The following CELSR1 variants were observed in gnomAD, a reference collection of about 807,000 sequenced individuals.
CELSR1 encodes adhesion G protein-coupled receptor C1.
CELSR1 carries 110 observed loss-of-function variants against 249.1 expected under a neutral mutation model. That is an observed-to-expected ratio of 0.44 (90% CI 0.38 to 0.52). The LOEUF is 0.52. CELSR1 is among the 20% of genes least tolerant of loss of function. CELSR1 has a pLI of 0.00. For synonymous variants in CELSR1, 2,113 were observed against 1,900.0 expected, an observed-to-expected ratio of 1.11 and a Z score of -2.92; for missense variants, 4,109 against 4,296.4, an observed-to-expected ratio of 0.96 and a Z score of 1.22.
chr22:46,412,363 G>A lies in CELSR1; in HGVS notation c.4612-604C>T, dbSNP rs1031226648. Among the ~76,000 whole-genome samples the A allele has an allele frequency of 6.6e-6, 1 of 152,156 alleles. No homozygotes were observed. Among genetic ancestry groups the A allele is most frequent in the African/African-American group, 2.4e-5 (1 of 41,430 alleles). On this transcript the variant is annotated intron_variant, in intron 5 of 34. Transcript: ENST00000674500. This position sits in a 1 kb window ranked among gnomAD's most constrained non-coding sequence, Gnocchi z 4.5. ...TTGCAGCCAACACCCAAGTCCTGGG[G>A]CCCCTCCTGTGAACACCCGCTTCTG...
In CELSR1 at chr22:46,518,782, C is replaced by G. The variant is rs1472117858; in HGVS notation, c.3544+14845G>C. On this transcript the variant is annotated intron_variant, in intron 1 of 34. Coordinates refer to ENST00000674500, the MANE Select transcript of CELSR1 (RefSeq NM_001378328.1). This position sits in a 1 kb window ranked among gnomAD's most constrained non-coding sequence, Gnocchi z 5.2. ...TGGGCGCGGTGGCTCGCCTGTAATC[C>G]AGCACTTTGGGAGGCCAAGGCGGGT... is the stretch of plus-strand genomic sequence containing the variant. Among the ~76,000 whole-genome samples, 1 of 152,036 alleles carries G rather than the reference C, an allele frequency of 6.6e-6. No individual in the cohort carries two copies. The highest frequency in any genetic ancestry group is 6.6e-5 in the Admixed American group (1 of 15,266).
intron 2 of CELSR1, among the ~76,000 whole-genome samples, chr22:46,444,967 A>G (rs988480561): frequency 5.3e-4 from 81 of 152,292 alleles, no homozygotes; most frequent in African/African-American, 1.9e-3. Flanking sequence ...GCACTTTGGG[A>G]GGCTGAGGTG....
Position 46,488,042 on chromosome 22 carries a change from G to C in CELSR1, c.3545-23697C>G, listed in dbSNP as rs1339279493. The stretch of plus-strand genomic sequence containing the variant: ...TGTGGGGAGGGATGTCCAGGGTGCT[G>C]ACAGGATCAGCTGACAGGGGCGTGA... On this transcript the variant is annotated intron_variant, in intron 1 of 34. Coordinates refer to ENST00000674500, the MANE Select transcript of CELSR1 (RefSeq NM_001378328.1). The surrounding 1 kb of genome is among the most constrained non-coding windows in gnomAD (Gnocchi z 4.7). Among the ~76,000 whole-genome samples, 3 of 150,816 alleles carry C rather than the reference G, an allele frequency of 2.0e-5. No individual in the cohort carries two copies. The highest frequency in any genetic ancestry group is 3.0e-5 in the Non-Finnish European group (2 of 67,660).
intron 19 of CELSR1, among the ~76,000 whole-genome samples, chr22:46,385,975 C>CTTTTTTTTTTTTTTTTTTT (rs562430150): frequency 7.3e-6 from 1 of 137,680 alleles, no homozygotes; most frequent in Non-Finnish European, 1.5e-5. Context: ...CCGCGCCCGG[C>CTTTTTTTTTTTTTTTTTTT]TTTTTTTTTT....
chr22:46,387,998 G>A (rs1043999471), intron 18 of CELSR1, among the ~76,000 whole-genome samples: 13 of 152,164 alleles, frequency 8.5e-5, no homozygotes, highest in African/African-American at 2.9e-4. Flanking sequence ...CAGGGTCTGT[G>A]TGAAAGACTG....
intron 1 of CELSR1, chr22:46,530,268 C>A: frequency 6.6e-6 from 1 of 152,084 alleles, no homozygotes; most frequent in South Asian, 1.9e-4. Flanking sequence ...GACCCTGTCT[C>A]ATACACACAC....
At chr22:46,435,974 C>G (rs1403038427) in intron 4 of CELSR1, among the ~76,000 whole-genome samples, 200 bp downstream of exon 4, 8 of 152,230 alleles carry the variant, frequency 5.3e-5, no homozygotes, top group Non-Finnish European at 8.8e-5. Flanking sequence ...GCTGGGATTA[C>G]AGGCGTGAGC....
intron 1 of CELSR1, among the ~76,000 whole-genome samples, chr22:46,509,824 A>G (rs1007149801): frequency 1.3e-5 from 2 of 152,150 alleles, no homozygotes; most frequent in Admixed American, 6.5e-5. Flanking sequence ...GGCAGTACCC[A>G]TGCACAATGC....
chr22:46,438,204 G>A (rs2079688971), intron 3 of CELSR1, among the ~76,000 whole-genome samples: 5 of 152,232 alleles, frequency 3.3e-5, no homozygotes, highest in Admixed American at 3.3e-4. Flanking sequence ...GGGGGCCGGG[G>A]AAGGAGAAGG....
chr22:46,431,694 C>T (rs2079597522), intron 5 of CELSR1, among the ~76,000 whole-genome samples: 1 of 152,246 alleles, frequency 6.6e-6, no homozygotes, highest in East Asian at 1.9e-4. Flanking sequence ...GCCACCCGTG[C>T]AGCTCACCCA....
chr22:46,382,171 G>C, intron 20 of CELSR1, 121 bp from the exon 21 acceptor site: 2 of 955,720 alleles, frequency 2.1e-6, no homozygotes, highest in Non-Finnish European at 3.0e-6. Flanking sequence ...CAGTACCGTG[G>C]GTCCCCAAAA....
chr22:46,409,153 T>C lies in CELSR1; in HGVS notation c.5069A>G (p.His1690Arg). 1.2e-6 allele frequency: 2 copies of C among 1,612,468 alleles called. No individual in the cohort carries two copies. The highest frequency in any genetic ancestry group is 8.5e-7 in the Non-Finnish European group (1 of 1,179,418). ...GCTCTCACCGCTGAAGAGCTGGGGG[T>C]GAGGCATGGCTGCGGACACAGGCCC... ...GGKNCEQAMP[H>R]PQLFSGESVV... Residue 1690 changes from histidine (H) to arginine (R), a missense_variant, in exon 9 of 35, where the codon CAC (histidine) becomes CGC (arginine). His to Arg is a conservative substitution (Grantham distance 29). Coordinates refer to ENST00000674500, the MANE Select transcript of CELSR1 (RefSeq NM_001378328.1). This position sits in a 1 kb window ranked among gnomAD's most constrained non-coding sequence, Gnocchi z 9.8.
chr22:46,449,064 T>G (rs929501900), intron 2 of CELSR1, among the ~76,000 whole-genome samples: 1 of 96,142 alleles, frequency 1.0e-5, no homozygotes, highest in African/African-American at 4.1e-5. Flanking sequence ...CCCTCCACCC[T>G]TCCATCCATC....
In CELSR1 at chr22:46,363,620, C is replaced by G. The variant is rs1039691051; in HGVS notation, c.9036-373G>C. The G allele has an allele frequency of 8.3e-6, 3 of 359,896 alleles. No homozygotes were observed. Among genetic ancestry groups the G allele is most frequent in the African/African-American group, 2.1e-5 (1 of 48,314 alleles). 22.3% of individuals were successfully genotyped at this position (359,896 alleles called of 1,614,324 possible). On this transcript the variant is annotated intron_variant, in intron 34 of 34. Transcript: ENST00000674500. This position sits in a 1 kb window ranked among gnomAD's most constrained non-coding sequence, Gnocchi z 4.3. ...GGGCCAGGACCCCAGCTCCACCCCG[C>G]CCCCTTCACCCCTGGCATTCCGGGA...
At chr22:46,418,781 C>G (rs1024014123) in intron 5 of CELSR1, among the ~76,000 whole-genome samples, 4 of 152,214 alleles carry the variant, frequency 2.6e-5, no homozygotes, top group African/African-American at 7.2e-5. Context: ...AACCGGTCAC[C>G]TAGAGATTCT....
intron 1 of CELSR1, among the ~76,000 whole-genome samples, chr22:46,507,448 G>A (rs552143180): frequency 4.1e-4 from 62 of 152,048 alleles, no homozygotes; most frequent in African/African-American, 1.4e-3. Context: ...CAGCTGCAGC[G>A]TACTCCAGCT....
chr22:46,432,049 T>C (rs2147426258), intron 5 of CELSR1, among the ~76,000 whole-genome samples: 1 of 152,164 alleles, frequency 6.6e-6, no homozygotes, highest in East Asian at 1.9e-4. Context: ...CCATCTGCCC[T>C]CCTCCCAAAT....
At chr22:46,426,347 T>C (rs1360019570) in intron 5 of CELSR1, among the ~76,000 whole-genome samples, 1 of 152,198 alleles carries the variant, frequency 6.6e-6, no homozygotes, top group East Asian at 1.9e-4. Flanking sequence ...CTGAGCGCCT[T>C]GTAAACAACA....
chr22:46,477,074 G>C (rs550486289), intron 1 of CELSR1, among the ~76,000 whole-genome samples: 40 of 152,160 alleles, frequency 2.6e-4, no homozygotes, highest in African/African-American at 9.7e-4. Context: ...CCAAGCTGTC[G>C]AATGAAGTCA....
Sources: gnomAD v4.1 joint callset for allele counts (sites outside exome capture counted in the v4.1 genomes callset) on GRCh38, gnomAD v4.1.1 for gene constraint, Gnocchi (gnomAD v3.1) non-coding constraint, MANE v1.5 for transcripts, NCBI Gene and HGNC (gene_info 2026-07-23, HGNC 2026-07-21) for gene names.